The following NCKAP5 variants were observed in gnomAD, a reference collection of about 807,000 sequenced individuals.
The protein encoded by NCKAP5 is NCK associated protein 5, also known as nck-associated protein 5.
Under a neutral mutation model 167.0 loss-of-function variants are expected in NCKAP5, and 92 were observed. The ratio of observed to expected loss-of-function variants is 0.55; its 90% CI spans 0.47 to 0.66. The LOEUF (loss-of-function observed/expected upper bound fraction) is 0.66. Among genes scored for constraint, NCKAP5 ranks in the 30% least tolerant of loss-of-function variants. NCKAP5 has a pLI of 0.00. For missense variants in NCKAP5, 2,378 were observed against 2,315.0 expected, an observed-to-expected ratio of 1.03 and a Z score of -0.56; for synonymous variants, 891 against 877.4, an observed-to-expected ratio of 1.02 and a Z score of -0.27.
At chr2:132,695,995 A>C (rs971968904) in intron 19 of NCKAP5, among the ~76,000 whole-genome samples, 7 of 152,202 alleles carry the variant, frequency 4.6e-5, no homozygotes, top group African/African-American at 1.7e-4. Context: ...TCATTTGAGT[A>C]TTTTGGCTTC....
intron 8 of NCKAP5, among the ~76,000 whole-genome samples, chr2:132,918,265 GT>G (rs1265475111): frequency 6.6e-5 from 10 of 152,142 alleles, no homozygotes; most frequent in Middle Eastern, 3.4e-3. Context: ...GGAAAGGCTG[GT>G]TTTTTTCTGA....
At chr2:133,541,975 G>A (rs1686261469) in intron 2 of NCKAP5, among the ~76,000 whole-genome samples, 1 of 152,078 alleles carries the variant, frequency 6.6e-6, no homozygotes, top group East Asian at 1.9e-4. Flanking sequence ...TAAAATGGAA[G>A]GGTTTGCACG....
chr2:132,789,977 A>G (rs1223767853), intron 13 of NCKAP5, 46 bp downstream of exon 13: 1 of 1,545,186 alleles, frequency 6.5e-7, no homozygotes, highest in Admixed American at 1.9e-5. Context: ...AAATCCTACC[A>G]GAAGAGGATT....
chr2:132,707,851 T>C (rs1008000745), intron 19 of NCKAP5, among the ~76,000 whole-genome samples: 5 of 152,070 alleles, frequency 3.3e-5, no homozygotes, highest in African/African-American at 1.2e-4. Flanking sequence ...GCAACTTAGA[T>C]ACCTGCTCAG....
At chr2:133,671,059 C>CAAA in the NCKAP5 span, among the ~76,000 whole-genome samples, 2 of 151,476 alleles carry the variant, frequency 1.3e-5, no homozygotes, top group African/African-American at 4.8e-5. Context: ...ACTAAAAATA[C>CAAA]AAAAAATTAG....
intron 4 of NCKAP5, among the ~76,000 whole-genome samples, chr2:133,214,479 A>T (rs7604323): frequency 3.3e-5 from 5 of 152,214 alleles, no homozygotes; most frequent in African/African-American, 1.2e-4. Flanking sequence ...TAAAATGTAG[A>T]CTTAAAAATC....
intron 5 of NCKAP5, among the ~76,000 whole-genome samples, chr2:133,144,685 A>T (rs957118027): frequency 2.0e-5 from 3 of 152,134 alleles, no homozygotes; most frequent in African/African-American, 7.2e-5. Context: ...CAAATCTTTT[A>T]TCTATCCCTG....
At chr2:133,168,519 AG>A (rs2149978310) in intron 5 of NCKAP5, among the ~76,000 whole-genome samples, 1 of 152,186 alleles carries the variant, frequency 6.6e-6, no homozygotes, top group African/African-American at 2.4e-5. Context: ...TCATTAAAAC[AG>A]TCCTTCCCAG....
chr2:133,471,027 G>A (rs1679243438), intron 3 of NCKAP5, among the ~76,000 whole-genome samples: 1 of 152,200 alleles, frequency 6.6e-6, no homozygotes, highest in African/African-American at 2.4e-5. Context: ...CGGCCATCTT[G>A]GCTCCTCCCC....
rs1416232875 is a variant in NCKAP5, at chr2:132,895,093, A to G, written c.580-16177T>C. ...ACATCTGTAATCCCAGCACTTTGGG[A>G]GGCCAAGGCGGGCGGATCACAAGGT... On this transcript the variant is annotated intron_variant, in intron 8 of 19. Coordinates refer to ENST00000409261, the MANE Select transcript of NCKAP5 (RefSeq NM_207363.3). Among the ~76,000 whole-genome samples, 3 of 152,202 alleles carry G rather than the reference A, an allele frequency of 2.0e-5. No homozygotes were observed. The East Asian group carries it at 5.8e-4, about 29-fold the overall frequency.
intron 8 of NCKAP5, among the ~76,000 whole-genome samples, chr2:132,960,616 C>T (rs1156807482): frequency 1.3e-5 from 2 of 152,028 alleles, no homozygotes; most frequent in African/African-American, 2.4e-5. Context: ...GAATGTGAGT[C>T]GGAACTTACC....
intron 3 of NCKAP5, among the ~76,000 whole-genome samples, chr2:133,387,335 G>A (rs1435759111): frequency 6.6e-6 from 1 of 152,160 alleles, no homozygotes; most frequent in Non-Finnish European, 1.5e-5. Flanking sequence ...GAAATTCTGG[G>A]TTGAAAATTC....
chr2:132,722,631 C>T (rs1481188951), intron 19 of NCKAP5, among the ~76,000 whole-genome samples: 3 of 152,086 alleles, frequency 2.0e-5, no homozygotes, highest in Non-Finnish European at 4.4e-5. Context: ...TCCTAGCCTC[C>T]CACCTACCCA....
chr2:132,851,520 C>T (rs538013576), intron 11 of NCKAP5, among the ~76,000 whole-genome samples: 1 of 152,214 alleles, frequency 6.6e-6, no homozygotes, highest in African/African-American at 2.4e-5. Context: ...GTTAACCCCG[C>T]TTGCCTCTAG....
At chr2:132,911,361 C>T (rs1342319678) in intron 8 of NCKAP5, 1 of 152,294 alleles carries the variant, frequency 6.6e-6, no homozygotes, top group African/African-American at 2.4e-5. Context: ...AATTCCAGTG[C>T]ACTACAATTC....
chr2:133,446,674 T>G (rs7596517), intron 3 of NCKAP5, among the ~76,000 whole-genome samples: 1 of 152,004 alleles, frequency 6.6e-6, no homozygotes, highest in East Asian at 1.9e-4. Flanking sequence ...TGCCCTGGAA[T>G]GACCAGATGA....
chr2:133,024,696 T>C (rs751411370), intron 6 of NCKAP5, among the ~76,000 whole-genome samples: 5 of 151,870 alleles, frequency 3.3e-5, no homozygotes, highest in Non-Finnish European at 4.4e-5. Context: ...TTTGGAAATA[T>C]AGAAGCAAAA....
intron 2 of NCKAP5, among the ~76,000 whole-genome samples, chr2:133,548,931 G>A (rs943025034): frequency 6.6e-6 from 1 of 151,816 alleles, no homozygotes; most frequent in East Asian, 1.9e-4. Context: ...GACACAGACG[G>A]GCAAATTGGA....
chr2:133,522,833 C>T (rs1006547428), intron 2 of NCKAP5, among the ~76,000 whole-genome samples: 21 of 152,136 alleles, frequency 1.4e-4, no homozygotes, highest in African/African-American at 3.1e-4. Flanking sequence ...GAGCCATAAC[C>T]GAGTAGTGTT....
Sources: allele counts gnomAD v4.1 joint callset (sites outside exome capture counted in the v4.1 genomes callset), GRCh38; gene constraint gnomAD v4.1.1; transcripts MANE v1.5; gene names NCBI Gene and HGNC (gene_info 2026-07-23, HGNC 2026-07-21).